The following RBFOX1 variants were observed in gnomAD, a reference collection of about 807,000 sequenced individuals.
RBFOX1 encodes RNA binding fox-1 homolog 1, also known as RNA binding protein fox-1 homolog 1.
A neutral mutation model predicts 57.7 loss-of-function variants in RBFOX1; 8 were observed. The observed-to-expected ratio is 0.14, with a 90% confidence interval of 0.08 to 0.25. The LOEUF is 0.25. Ranked by LOEUF, RBFOX1 falls within the 10% of genes least tolerant of loss-of-function variation. The pLI, the probability that RBFOX1 is intolerant of heterozygous loss-of-function variation, is 1.00. For missense variants in RBFOX1, 611 were observed against 548.5 expected (o/e 1.11, Z -1.14); for synonymous variants, 326 against 222.4 (o/e 1.47, Z -4.15).
chr16:5,440,423 T>C (rs577135266), intron 1 of RBFOX1, among the ~76,000 whole-genome samples: 1 of 152,218 alleles, frequency 6.6e-6, no homozygotes. Flanking sequence ...TTGTTTTGGT[T>C]GAAAAAAAAT....
chr16:5,833,831 A>G (rs1355338132), intron 3 of RBFOX1, among the ~76,000 whole-genome samples: 5 of 152,164 alleles, frequency 3.3e-5, no homozygotes, highest in African/African-American at 1.2e-4. Context: ...ATAATTTTGG[A>G]AAGATTGGAG....
intron 4 of RBFOX1, among the ~76,000 whole-genome samples, chr16:7,174,587 C>T (rs115036124): frequency 0.017 from 2,597 of 152,184 alleles, 72 homozygotes; most frequent in African/African-American, 0.059. Context: ...TTGAGATTAA[C>T]CTGGTGTAGG....
At chr16:7,397,564 A>G (rs2098162992) in intron 4 of RBFOX1, among the ~76,000 whole-genome samples, 1 of 152,198 alleles carries the variant, frequency 6.6e-6, no homozygotes, top group African/African-American at 2.4e-5. Flanking sequence ...GAAAGTCAGT[A>G]CCAAAGAGTC....
chr16:6,986,636 C>G (rs756853193), intron 3 of RBFOX1, among the ~76,000 whole-genome samples: 24 of 152,170 alleles, frequency 1.6e-4, no homozygotes, highest in Non-Finnish European at 1.5e-4. Flanking sequence ...ACTGCATTTG[C>G]TCATCCTCTG....
At chr16:5,741,938 A>T (rs1054961956) in intron 3 of RBFOX1, among the ~76,000 whole-genome samples, 1 of 152,248 alleles carries the variant, frequency 6.6e-6, no homozygotes, top group Non-Finnish European at 1.5e-5. Flanking sequence ...GTAGGGATGA[A>T]CGGGAATCAT....
chr16:6,202,172 G>C (rs184305095), intron 1 of RBFOX1, among the ~76,000 whole-genome samples: 109 of 152,328 alleles, frequency 7.2e-4, no homozygotes, highest in African/African-American at 2.6e-3. Flanking sequence ...GGAAGGGTAT[G>C]TTTGAATCCA....
rs185886378 is a variant in RBFOX1, at chr16:6,133,229, A to G, written c.-127+113237A>G. 2.0e-5 allele frequency among the ~76,000 whole-genome samples: 3 copies of G among 152,256 alleles called. No homozygotes were observed. The East Asian group carries it at 5.8e-4, about 30-fold the overall frequency. ...GCTACATCTAGCATCTCCTGTGCTG[A>G]CAAAAGTCCCCTGATTGCTCCACTG... On this transcript the variant is annotated intron_variant, in intron 1 of 15. Coordinates refer to ENST00000550418, the MANE Select transcript of RBFOX1 (RefSeq NM_018723.4).
At chr16:7,023,064 G>T (rs1411626280) in intron 3 of RBFOX1, among the ~76,000 whole-genome samples, 1 of 152,160 alleles carries the variant, frequency 6.6e-6, no homozygotes. Context: ...AGAGATAAGA[G>T]AATCCTATGC....
At chr16:7,450,375 A>G (rs2098842269) in intron 4 of RBFOX1, among the ~76,000 whole-genome samples, 1 of 134,356 alleles carries the variant, frequency 7.4e-6, no homozygotes, top group South Asian at 2.7e-4. Context: ...GCCTGGCGAC[A>G]GAGCAAGACT....
intron 3 of RBFOX1, among the ~76,000 whole-genome samples, chr16:6,940,898 G>GT: frequency 7.7e-6 from 1 of 130,540 alleles, no homozygotes; most frequent in African/African-American, 3.5e-5. Flanking sequence ...TGTTAGAGAT[G>GT]GGGTTTCACT....
At chr16:7,553,792 G>A (rs1407726839) in intron 5 of RBFOX1, among the ~76,000 whole-genome samples, 2 of 152,206 alleles carry the variant, frequency 1.3e-5, no homozygotes, top group East Asian at 1.9e-4. Flanking sequence ...CATAAACCAA[G>A]GAGGCTGTTG....
At chr16:5,418,703 C>T (rs184681334) in intron 1 of RBFOX1, among the ~76,000 whole-genome samples, 5 of 152,154 alleles carry the variant, frequency 3.3e-5, no homozygotes, top group Non-Finnish European at 7.3e-5. Flanking sequence ...TTTCATTCGA[C>T]TCCCTCTCCC....
chr16:5,628,849 T>C (rs1384879336), intron 3 of RBFOX1, among the ~76,000 whole-genome samples: 1 of 152,218 alleles, frequency 6.6e-6, no homozygotes, highest in Non-Finnish European at 1.5e-5. Context: ...CTACATGGGC[T>C]ATGATGAGTG....
chr16:7,227,182 A>T (rs1173448426), intron 4 of RBFOX1, among the ~76,000 whole-genome samples: 2 of 152,040 alleles, frequency 1.3e-5, no homozygotes, highest in African/African-American at 4.8e-5. Context: ...ATGGTAGCCT[A>T]TGCAATGTGT....
Position 7,001,261 on chromosome 16 carries a change from C to T in RBFOX1, c.-15-50796C>T, listed in dbSNP as rs187735065. Among the ~76,000 whole-genome samples the T allele has an allele frequency of 4.6e-5, 7 of 152,174 alleles. No individual in the cohort carries two copies. The East Asian group carries it at 1.4e-3, about 30-fold the overall frequency. ...AATGTCTTTCTGCTGTCTCCTTGTTCAGATGGATGGAGAGATTCCTTGCTT... is the reference window on the plus strand; with the variant it reads ...AATGTCTTTCTGCTGTCTCCTTGTTTAGATGGATGGAGAGATTCCTTGCTT... On this transcript the variant is annotated intron_variant, in intron 3 of 15. Coordinates refer to ENST00000550418, the MANE Select transcript of RBFOX1 (RefSeq NM_018723.4).
chr16:7,512,802 G>A (rs2075450997), intron 4 of RBFOX1, among the ~76,000 whole-genome samples: 3 of 152,214 alleles, frequency 2.0e-5, no homozygotes, highest in Admixed American at 2.0e-4. Flanking sequence ...AAGTTTCCCA[G>A]GCTGCTGCCC....
At chr16:5,982,646 A>C (rs994766229) in intron 4 of RBFOX1, among the ~76,000 whole-genome samples, 1 of 152,120 alleles carries the variant, frequency 6.6e-6, no homozygotes, top group Non-Finnish European at 1.5e-5. Context: ...ATTTTCTTCA[A>C]GTGGGCTCCT....
intron 3 of RBFOX1, among the ~76,000 whole-genome samples, chr16:6,800,061 A>G (rs2085016155): frequency 6.6e-6 from 1 of 152,142 alleles, no homozygotes; most frequent in African/African-American, 2.4e-5. Context: ...ACTTCTGGGC[A>G]TTGTCATGGT....
intron 3 of RBFOX1, among the ~76,000 whole-genome samples, chr16:6,711,187 C>A (rs1201822257): frequency 6.6e-6 from 1 of 152,148 alleles, no homozygotes; most frequent in South Asian, 2.1e-4. Flanking sequence ...ACCATGGGGA[C>A]CATCATCCTG....
Sources: allele counts gnomAD v4.1 joint callset (sites outside exome capture counted in the v4.1 genomes callset), GRCh38; gene constraint gnomAD v4.1.1; transcripts MANE v1.5; gene names NCBI Gene and HGNC (gene_info 2026-07-23, HGNC 2026-07-21).